The following LINGO2 variants were observed in gnomAD, a reference collection of about 807,000 sequenced individuals.
LINGO2 encodes leucine rich repeat and Ig domain containing 2.
In LINGO2, 14 loss-of-function variants were observed where a neutral mutation model predicts 30.6. The ratio of observed to expected loss-of-function variants is 0.46; its 90% CI spans 0.30 to 0.72. The LOEUF is 0.72. Among genes scored for constraint, LINGO2 ranks in the 30% least tolerant of loss-of-function variants. LINGO2 has a pLI of 0.07. For missense variants in LINGO2, 729 were observed against 751.7 expected (o/e 0.97, Z 0.35); for synonymous variants, 317 against 288.5 (o/e 1.10, Z -1.00).
chr9:28,503,363 G>T (rs1819971932), intron 1 of LINGO2, among the ~76,000 whole-genome samples: 1 of 151,984 alleles, frequency 6.6e-6, no homozygotes. Flanking sequence ...TCAACATATT[G>T]AAGATAAAAT....
chr9:28,940,248 C>T, the LINGO2 span, among the ~76,000 whole-genome samples: 1 of 152,064 alleles, frequency 6.6e-6, no homozygotes, highest in East Asian at 1.9e-4. Flanking sequence ...CAGGTGAGTT[C>T]TACCCAGTGG....
intron 1 of LINGO2, among the ~76,000 whole-genome samples, chr9:28,542,638 C>A (rs1821752226): frequency 6.6e-6 from 1 of 152,024 alleles, no homozygotes; most frequent in Non-Finnish European, 1.5e-5. Context: ...ATTTATATAG[C>A]TGATCCTTTA....
intron 1 of LINGO2, among the ~76,000 whole-genome samples, chr9:28,611,112 T>A (rs1470048749): frequency 6.6e-6 from 1 of 152,162 alleles, no homozygotes; most frequent in African/African-American, 2.4e-5. Flanking sequence ...CAAAGGTGTT[T>A]TTGAAGAGAG....
chr9:28,913,273 CAT>C, the LINGO2 span, among the ~76,000 whole-genome samples: 1 of 152,028 alleles, frequency 6.6e-6, no homozygotes, highest in Non-Finnish European at 1.5e-5. Flanking sequence ...TTATTATCCA[CAT>C]GTCTATTTGT....
chr9:29,123,260 C>T, the LINGO2 span, among the ~76,000 whole-genome samples: 5 of 151,972 alleles, frequency 3.3e-5, no homozygotes, highest in Non-Finnish European at 1.5e-5. Flanking sequence ...TTCCCCGAGA[C>T]ATCCCAGCAA....
At chr9:28,549,982 G>T (rs1475622628) in intron 1 of LINGO2, among the ~76,000 whole-genome samples, 1 of 151,722 alleles carries the variant, frequency 6.6e-6, no homozygotes, top group African/African-American at 2.4e-5. Flanking sequence ...ACATCCTGTT[G>T]TTAATTAGAA....
the LINGO2 span, among the ~76,000 whole-genome samples, chr9:29,014,752 G>C: frequency 2.6e-5 from 4 of 152,248 alleles, no homozygotes; most frequent in African/African-American, 9.6e-5. Flanking sequence ...TGGGGACTTG[G>C]TACTGCGGTG....
intron 4 of LINGO2, among the ~76,000 whole-genome samples, chr9:28,022,475 C>T (rs1197913): frequency 0.32 from 48,552 of 151,870 alleles, 8,809 homozygotes; most frequent in African/African-American, 0.49. Context: ...TTTATTTTAA[C>T]ATCTGCAGAG....
chr9:28,571,398 C>G (rs961918290), intron 1 of LINGO2, among the ~76,000 whole-genome samples: 1 of 151,996 alleles, frequency 6.6e-6, no homozygotes, highest in African/African-American at 2.4e-5. Context: ...ATTACTAAAA[C>G]ACTCTGTACA....
chr9:29,209,892 A>G, the LINGO2 span, among the ~76,000 whole-genome samples: 1 of 152,112 alleles, frequency 6.6e-6, no homozygotes, highest in Non-Finnish European at 1.5e-5. Context: ...AGGATACAAC[A>G]CAACCAAATT....
At chr9:28,052,154 C>T (rs192229887) in intron 4 of LINGO2, among the ~76,000 whole-genome samples, 1 of 152,104 alleles carries the variant, frequency 6.6e-6, no homozygotes, top group African/African-American at 2.4e-5. Context: ...CACATAGTTC[C>T]TCTGTAGTGA....
In LINGO2 at chr9:28,065,161, A is replaced by C. The variant is rs367551100; in HGVS notation, c.-86-52756T>G. On this transcript the variant is annotated intron_variant, in intron 4 of 5. Transcript: ENST00000379992. ...TTGCTTTGGAGTGGGATTGGGAGAG[A>C]TCAAACTGTTGGTTTTTCTGATCTC... Among the ~76,000 whole-genome samples the C allele has an allele frequency of 3.3e-5, 5 of 151,752 alleles. No individual in the cohort carries two copies. In the East Asian group the frequency reaches 9.7e-4, roughly 29 times the overall value.
chr9:28,145,237 C>G (rs978676402), intron 4 of LINGO2, among the ~76,000 whole-genome samples: 1 of 152,010 alleles, frequency 6.6e-6, no homozygotes, highest in Non-Finnish European at 1.5e-5. Context: ...TCAAAGTGTG[C>G]GAGGAAGGCA....
chr9:28,702,257 A>AT, the LINGO2 span, among the ~76,000 whole-genome samples: 8 of 151,460 alleles, frequency 5.3e-5, no homozygotes, highest in African/African-American at 1.9e-4. Context: ...TAACTTTAGA[A>AT]TTTTTTTTGT....
the LINGO2 span, among the ~76,000 whole-genome samples, chr9:28,871,126 T>C: frequency 1.3e-5 from 2 of 151,876 alleles, no homozygotes; most frequent in African/African-American, 4.8e-5. Context: ...AATTTAAATA[T>C]TTATAAATAA....
chr9:28,815,364 GA>G, the LINGO2 span, among the ~76,000 whole-genome samples: 1 of 152,188 alleles, frequency 6.6e-6, no homozygotes, highest in Admixed American at 6.5e-5. Context: ...GTAGAGAAGT[GA>G]CAGCAATTAA....
intron 1 of LINGO2, among the ~76,000 whole-genome samples, chr9:28,580,714 T>C (rs900309185): frequency 6.6e-6 from 1 of 152,010 alleles, no homozygotes. Flanking sequence ...CAGTCCTTTA[T>C]TGAAGGATAC....
At chr9:28,714,213 G>A in the LINGO2 span, among the ~76,000 whole-genome samples, 697 of 108,188 alleles carry the variant, frequency 6.4e-3, 16 homozygotes, top group African/African-American at 0.023. Context: ...ACACACATAC[G>A]CACATATACA....
the LINGO2 span, among the ~76,000 whole-genome samples, chr9:28,708,313 GTAT>G: frequency 6.6e-6 from 1 of 152,056 alleles, no homozygotes; most frequent in Non-Finnish European, 1.5e-5. Context: ...CACCTGTTAG[GTAT>G]GTATCATGTA....
Sources: gnomAD v4.1 joint callset for allele counts (sites outside exome capture counted in the v4.1 genomes callset) on GRCh38, gnomAD v4.1.1 for gene constraint, MANE v1.5 for transcripts, NCBI Gene and HGNC (gene_info 2026-07-23, HGNC 2026-07-21) for gene names.